The following GPHN variants were observed in gnomAD, a reference collection of about 807,000 sequenced individuals.
GPHN encodes gephyrin.
GPHN carries 17 observed loss-of-function variants against 95.5 expected under a neutral mutation model. That is an observed-to-expected ratio of 0.18 (90% CI 0.12 to 0.27). GPHN has a LOEUF of 0.27. Among genes scored for constraint, GPHN ranks in the 10% least tolerant of loss-of-function variants. GPHN has a pLI of 1.00. For synonymous variants in GPHN, 320 were observed against 322.5 expected, an observed-to-expected ratio of 0.99 and a Z score of 0.08; for missense variants, 660 against 978.1, an observed-to-expected ratio of 0.67 and a Z score of 4.34.
At chr14:67,296,585 C>CAAAAAAAAAAAAA in the GPHN span, among the ~76,000 whole-genome samples, 2 of 51,000 alleles carry the variant, frequency 3.9e-5, no homozygotes, top group African/African-American at 9.2e-5. Context: ...AACTCTGTCT[C>CAAAAAAAAAAAAA]AAAAAAAAAA....
At chr14:67,663,105 G>A in the GPHN span, 1 of 1,518,000 alleles carries the variant, frequency 6.6e-7, no homozygotes, top group Non-Finnish European at 8.8e-7. Flanking sequence ...TGAACGATGA[G>A]AACGTTATTC....
At chr14:66,958,984 A>T (rs1300560144) in intron 8 of GPHN, among the ~76,000 whole-genome samples, 2 of 151,960 alleles carry the variant, frequency 1.3e-5, no homozygotes, top group African/African-American at 2.4e-5. Context: ...TTTACTAACT[A>T]TTATTTAGTT....
At chr14:67,398,918 T>C in the GPHN span, among the ~76,000 whole-genome samples, 1 of 152,250 alleles carries the variant, frequency 6.6e-6, no homozygotes, top group South Asian at 2.1e-4. Flanking sequence ...CTGTAAAACA[T>C]ATTTTTAATG....
chr14:67,329,096 C>G, the GPHN span, among the ~76,000 whole-genome samples: 3 of 152,150 alleles, frequency 2.0e-5, no homozygotes, highest in Admixed American at 2.0e-4. Context: ...AATATTGATT[C>G]TTCCCATCCA....
chr14:67,673,362 TAATAA>T, the GPHN span, among the ~76,000 whole-genome samples: 1 of 151,886 alleles, frequency 6.6e-6, no homozygotes, highest in Non-Finnish European at 1.5e-5. Context: ...AAATGATAAA[TAATAA>T]AATAAAACTG....
At chr14:67,406,970 C>T in the GPHN span, among the ~76,000 whole-genome samples, 1 of 152,080 alleles carries the variant, frequency 6.6e-6, no homozygotes, top group Non-Finnish European at 1.5e-5. Context: ...CAGAGGCCAG[C>T]TGAAGCAGGG....
the GPHN span, among the ~76,000 whole-genome samples, chr14:67,614,770 C>A: frequency 2.6e-5 from 4 of 151,818 alleles, no homozygotes; most frequent in African/African-American, 7.3e-5. Flanking sequence ...ATATTAAAAC[C>A]AAAGATAATA....
chr14:67,623,264 C>G, the GPHN span, among the ~76,000 whole-genome samples: 1 of 152,178 alleles, frequency 6.6e-6, no homozygotes, highest in Admixed American at 6.5e-5. Flanking sequence ...TTCAGTTGCT[C>G]TGTTCCTAAA....
chr14:67,690,757 G>C, the GPHN span: 9 of 388,250 alleles, frequency 2.3e-5, no homozygotes, highest in African/African-American at 1.8e-4. Flanking sequence ...GCTGAGGCAG[G>C]AAGGTGCCTG....
chr14:66,804,040 G>A (rs1455057403), intron 3 of GPHN, among the ~76,000 whole-genome samples: 2 of 151,724 alleles, frequency 1.3e-5, no homozygotes, highest in Non-Finnish European at 2.9e-5. Context: ...TCAATTTTGG[G>A]TTCTACTTTC....
chr14:67,276,217 TCTC>T, the GPHN span, among the ~76,000 whole-genome samples: 3 of 152,160 alleles, frequency 2.0e-5, no homozygotes, highest in Non-Finnish European at 2.9e-5. Context: ...CTAAAACTCT[TCTC>T]AGTGTGGCTT....
chr14:66,694,139 C>G (rs566006145), intron 2 of GPHN, among the ~76,000 whole-genome samples: 3 of 152,010 alleles, frequency 2.0e-5, no homozygotes, highest in Non-Finnish European at 2.9e-5. Context: ...AAGGATGAGG[C>G]CTTTGGGAGG....
In GPHN at chr14:67,089,020, A is replaced by G. The variant is rs1254418281; in HGVS notation, c.1182A>G (p.Ala394=). ...GAGTCCTTGCTCAAGATGTATATGC[A>G]AAAGACAATTTACCCCCCTTCCCAG... ...MGRVLAQDVY[A]KDNLPPFPAS... The change falls in exon 12 of 23, where the codon GCA becomes GCG. Residue 394 remains alanine (A), a synonymous_variant. Transcript: ENST00000478722. 1 of 1,606,210 alleles carries G rather than the reference A, an allele frequency of 6.2e-7. No homozygotes were observed. Among genetic ancestry groups the G allele is most frequent in the African/African-American group, 1.3e-5 (1 of 74,886 alleles).
chr14:67,302,569 T>G, the GPHN span: 2 of 1,492,868 alleles, frequency 1.3e-6, no homozygotes, highest in African/African-American at 1.4e-5. Flanking sequence ...TTTTGACTTG[T>G]TGGTAAGTTG....
At chr14:67,372,486 G>C in the GPHN span, among the ~76,000 whole-genome samples, 3 of 152,124 alleles carry the variant, frequency 2.0e-5, no homozygotes, top group Non-Finnish European at 4.4e-5. Context: ...ACTATAAAGA[G>C]AATAAAAAGA....
At chr14:67,704,485 A>G in the GPHN span, among the ~76,000 whole-genome samples, 28 of 152,074 alleles carry the variant, frequency 1.8e-4, no homozygotes, top group Admixed American at 1.8e-3. Context: ...GAACAGCTCC[A>G]TTTTGGCCAC....
At chr14:67,037,298 G>T (rs1326932376) in intron 10 of GPHN, among the ~76,000 whole-genome samples, 1 of 151,868 alleles carries the variant, frequency 6.6e-6, no homozygotes, top group African/African-American at 2.4e-5. Context: ...ATGGATTAAA[G>T]ATCTAATAGT....
chr14:67,029,680 A>G (rs1384537892), intron 10 of GPHN, among the ~76,000 whole-genome samples: 1 of 152,146 alleles, frequency 6.6e-6, no homozygotes, highest in Non-Finnish European at 1.5e-5. Context: ...TAAAAGATCT[A>G]CTCATTTAGT....
At chr14:67,343,262 G>T in the GPHN span, 2 of 764,636 alleles carry the variant, frequency 2.6e-6, no homozygotes, top group East Asian at 5.4e-5. Context: ...GGCAAGGGAA[G>T]CATCTTATTC....
Sources: allele counts gnomAD v4.1 joint callset (sites outside exome capture counted in the v4.1 genomes callset), GRCh38; gene constraint gnomAD v4.1.1; transcripts MANE v1.5; gene names NCBI Gene and HGNC (gene_info 2026-07-23, HGNC 2026-07-21).